The following EIF2AK4 variants were observed in gnomAD, a reference collection of about 807,000 sequenced individuals.
The protein encoded by EIF2AK4 is eIF-2-alpha kinase GCN2.
EIF2AK4 carries 139 observed loss-of-function variants against 211.1 expected under a neutral mutation model. The ratio of observed to expected loss-of-function variants is 0.66; its 90% CI spans 0.57 to 0.76. EIF2AK4 has a LOEUF of 0.76. EIF2AK4 is among the 30% of genes least tolerant of loss of function. The pLI, the probability that EIF2AK4 is intolerant of heterozygous loss-of-function variation, is 0.00. For missense variants in EIF2AK4, 1,664 were observed against 2,043.8 expected, an observed-to-expected ratio of 0.81 and a Z score of 3.58; for synonymous variants, 710 against 751.3, an observed-to-expected ratio of 0.94 and a Z score of 0.90.
intron 32 of EIF2AK4, among the ~76,000 whole-genome samples, chr15:40,024,252 T>G (rs1394487374): frequency 6.7e-6 from 1 of 149,146 alleles, no homozygotes; most frequent in Non-Finnish European, 1.5e-5. Context: ...CTCATCATGT[T>G]GCCCAGGCTG....
At chr15:39,941,341 A>G (rs2034141819) in intron 2 of EIF2AK4, among the ~76,000 whole-genome samples, 1 of 152,162 alleles carries the variant, frequency 6.6e-6, no homozygotes, top group Non-Finnish European at 1.5e-5. Flanking sequence ...GGTACTGACC[A>G]GAGTTCCCTC....
chr15:39,990,172 C>A, intron 15 of EIF2AK4, 101 bp from the exon 16 acceptor site: 1 of 1,136,284 alleles, frequency 8.8e-7, no homozygotes, highest in Non-Finnish European at 1.3e-6. Flanking sequence ...GGGAGAAGAC[C>A]TCATACGATT....
rs1306148481 is a variant in EIF2AK4 at position 39,998,776 on chromosome 15, G to A, written c.2914G>A (p.Ala972Thr). 6.2e-7 allele frequency: 1 copy of A among 1,611,928 alleles called. No homozygotes were observed. The highest frequency in any genetic ancestry group is 8.5e-7 in the Non-Finnish European group (1 of 1,178,918). ...AGAAGACTTTGACGATGGAGAGCAT[G>A]CAAAGCAGGTAATTTTCTGATGCGT... is the stretch of plus-strand genomic sequence containing the variant. ...FPEDFDDGEH[A>T]KQKSVISWLL... Residue 972 changes from alanine to threonine, a missense_variant, in exon 20 of 39, where the codon GCA becomes ACA. This residue lies in a region of EIF2AK4 where 622 missense variants were observed against 796.8 expected (regional missense o/e 0.78). Transcript: ENST00000263791.
At chr15:39,953,369 A>G (rs1174436788) in intron 4 of EIF2AK4, among the ~76,000 whole-genome samples, 2 of 152,200 alleles carry the variant, frequency 1.3e-5, no homozygotes, top group African/African-American at 4.8e-5. Flanking sequence ...TGCAAAATAG[A>G]GATCAAAATA....
intron 13 of EIF2AK4, among the ~76,000 whole-genome samples, chr15:39,980,218 C>T (rs1047921705): frequency 3.3e-5 from 5 of 152,160 alleles, no homozygotes; most frequent in African/African-American, 9.7e-5. Context: ...CTGAAATAGA[C>T]GTACGCTTAC....
chr15:39,980,835 T>C (rs1047038157), intron 13 of EIF2AK4, among the ~76,000 whole-genome samples: 58 of 152,188 alleles, frequency 3.8e-4, no homozygotes, highest in African/African-American at 1.3e-3. Flanking sequence ...ATTATAGGTG[T>C]GAGCCACCAT....
At chr15:39,963,575 T>G (rs2034502412) in intron 7 of EIF2AK4, among the ~76,000 whole-genome samples, 1 of 152,190 alleles carries the variant, frequency 6.6e-6, no homozygotes, top group Non-Finnish European at 1.5e-5. Flanking sequence ...TTCAATGAAG[T>G]ATTTTTATAA....
intron 32 of EIF2AK4, among the ~76,000 whole-genome samples, chr15:40,023,759 T>G (rs1269271232): frequency 6.6e-6 from 1 of 152,198 alleles, no homozygotes; most frequent in African/African-American, 2.4e-5. Context: ...TATTTGTTCA[T>G]GTGTTTTCTA....
intron 25 of EIF2AK4, among the ~76,000 whole-genome samples, chr15:40,009,331 C>T (rs2035206187): frequency 6.6e-6 from 1 of 151,952 alleles, no homozygotes; most frequent in Non-Finnish European, 1.5e-5. Context: ...TCAAGGGATC[C>T]TCCAACCTTG....
chr15:40,031,002 G>A (rs1175441298), intron 35 of EIF2AK4, among the ~76,000 whole-genome samples: 1 of 152,220 alleles, frequency 6.6e-6, no homozygotes, highest in African/African-American at 2.4e-5. Flanking sequence ...CACTTTGGGA[G>A]GCCGAGGAGG....
intron 16 of EIF2AK4, among the ~76,000 whole-genome samples, chr15:39,990,841 G>A (rs930198196): frequency 2.0e-5 from 3 of 152,246 alleles, no homozygotes; most frequent in Non-Finnish European, 2.9e-5. Flanking sequence ...TCCAACAGGT[G>A]GAGGTTGAGG....
In EIF2AK4 at chr15:40,032,626, A is replaced by C. The variant is rs76920174; in HGVS notation, c.4729-131A>C. 2.4e-3 allele frequency: 1,828 copies of C among 759,148 alleles called. 22 individuals carry two copies. In the East Asian group the frequency reaches 0.027, roughly 11 times the overall value. 47.0% of individuals were successfully genotyped at this position (759,148 alleles called of 1,614,324 possible). On this transcript the variant is annotated intron_variant, in intron 36 of 38. Transcript: ENST00000263791. ...GATCTTATCACTGCACAGTTCATTA[A>C]GCCCTTTTACAGCACAATAGCATCT...
At chr15:40,017,501 C>CTATATA (rs202237104) in intron 29 of EIF2AK4, among the ~76,000 whole-genome samples, 34 of 25,982 alleles carry the variant, frequency 1.3e-3, no homozygotes, top group Non-Finnish European at 1.5e-3. Context: ...TACTCTGTTT[C>CTATATA]TATATATATA....
At chr15:39,949,630 A>C (rs1395445920) in intron 4 of EIF2AK4, among the ~76,000 whole-genome samples, 2 of 152,186 alleles carry the variant, frequency 1.3e-5, no homozygotes, top group Non-Finnish European at 2.9e-5. Context: ...TGAGTAGCAA[A>C]AGCCAGAGAA....
chr15:40,027,808 G>A (rs539792828), intron 33 of EIF2AK4, among the ~76,000 whole-genome samples: 26 of 151,916 alleles, frequency 1.7e-4, no homozygotes, highest in African/African-American at 4.3e-4. Context: ...GGAGAATGGC[G>A]TGAACCCGGG....
At chr15:40,028,608 A>G (rs919133152) in intron 33 of EIF2AK4, among the ~76,000 whole-genome samples, 1 of 152,184 alleles carries the variant, frequency 6.6e-6, no homozygotes, top group Non-Finnish European at 1.5e-5. Context: ...CCTGGCTTAC[A>G]GAAAACAAAC....
At chr15:40,023,455 G>A (rs747152422) in intron 32 of EIF2AK4, among the ~76,000 whole-genome samples, 7 of 152,106 alleles carry the variant, frequency 4.6e-5, no homozygotes, top group Non-Finnish European at 5.9e-5. Context: ...ATTAGTATTA[G>A]AAGTCCAATC....
chr15:39,970,865 T>C (rs2034614394), intron 9 of EIF2AK4, among the ~76,000 whole-genome samples: 1 of 152,218 alleles, frequency 6.6e-6, no homozygotes, highest in African/African-American at 2.4e-5. Flanking sequence ...CGGTATCTTA[T>C]ACAAATGGTT....
intron 2 of EIF2AK4, among the ~76,000 whole-genome samples, chr15:39,941,775 C>T (rs1168472472): frequency 6.6e-6 from 1 of 152,006 alleles, no homozygotes; most frequent in Non-Finnish European, 1.5e-5. Context: ...TGCTAGATGT[C>T]GGGAGTACAT....
Sources: gnomAD v4.1 joint callset for allele counts (sites outside exome capture counted in the v4.1 genomes callset) on GRCh38, gnomAD v4.1.1 for gene constraint, gnomAD v4.1.1 regional missense constraint, MANE v1.5 for transcripts, NCBI Gene and HGNC (gene_info 2026-07-23, HGNC 2026-07-21) for gene names.